METTL25: variants seen among roughly 807,000 people sequenced by gnomAD.
METTL25 encodes the protein methyltransferase like 25.
A neutral mutation model predicts 71.6 loss-of-function variants in METTL25; 64 were observed. The ratio of observed to expected loss-of-function variants is 0.89; its 90% CI spans 0.73 to 1.10. The LOEUF (loss-of-function observed/expected upper bound fraction) is 1.10, where lower values mean the gene tolerates loss of function less well. Ranked by LOEUF, METTL25 falls within the 50% of genes least tolerant of loss-of-function variation. The pLI is 0.00. For missense variants in METTL25, 807 were observed against 707.0 expected, an observed-to-expected ratio of 1.14 and a Z score of -1.60; for synonymous variants, 287 against 250.3, an observed-to-expected ratio of 1.15 and a Z score of -1.38.
intron 8 of METTL25, among the ~76,000 whole-genome samples, chr12:82,441,902 C>T (rs774422541): frequency 5.3e-5 from 8 of 151,600 alleles, no homozygotes; most frequent in Non-Finnish European, 8.8e-5. Context: ...GCACTTTCAT[C>T]CTTGCCAGGC....
At chr12:82,468,950 A>G (rs1007458519) in intron 9 of METTL25, 8 of 152,328 alleles carry the variant, frequency 5.3e-5, no homozygotes, top group African/African-American at 1.9e-4. Context: ...CAACTCAGCC[A>G]ATAGAAACCT....
intron 7 of METTL25, among the ~76,000 whole-genome samples, chr12:82,437,094 A>G (rs1290620684): frequency 1.3e-5 from 2 of 151,784 alleles, no homozygotes; most frequent in South Asian, 2.1e-4. Flanking sequence ...AAAATCTCAA[A>G]TGGAAAATAT....
chr12:82,382,875 A>C (rs1334706323), intron 1 of METTL25, among the ~76,000 whole-genome samples: 1 of 151,788 alleles, frequency 6.6e-6, no homozygotes, highest in Non-Finnish European at 1.5e-5. Flanking sequence ...TACCCAGCTA[A>C]TTTTTTAAAA....
intron 1 of METTL25, 94 bp downstream of exon 1, chr12:82,358,918 TGCGTGGCGGCGGAG>T (rs1354067490): frequency 6.9e-7 from 1 of 1,446,886 alleles, no homozygotes; most frequent in South Asian, 1.3e-5. Context: ...CAGAACCAGG[TGCGTGGCGGCGGAG>T]GCGGGGCGGC....
At chr12:82,421,436 T>C (rs903374678) in intron 5 of METTL25, among the ~76,000 whole-genome samples, 1 of 152,174 alleles carries the variant, frequency 6.6e-6, no homozygotes, top group Non-Finnish European at 1.5e-5. Flanking sequence ...AGTTATTAAA[T>C]TCTGAAACTT....
rs985330366 is a variant in METTL25, at chr12:82,432,594, A to T, written c.1374+1607A>T. Among the ~76,000 whole-genome samples, 10 of 151,686 alleles carry T rather than the reference A, an allele frequency of 6.6e-5. 1 individual carries two copies. Among genetic ancestry groups the T allele is most frequent in the African/African-American group, 1.5e-4 (6 of 41,372 alleles). On this transcript the variant is annotated intron_variant, in intron 6 of 11. Transcript: ENST00000248306. ...TTCTATTAAAATAAACATTCAGAGA[A>T]CCAAAACAAATACTTTGGAAAATAA...
At chr12:82,417,857 G>A (rs1013857091) in intron 5 of METTL25, among the ~76,000 whole-genome samples, 1 of 151,444 alleles carries the variant, frequency 6.6e-6, no homozygotes, top group Non-Finnish European at 1.5e-5. Context: ...ATGACGTTGA[G>A]CAGACAGTTG....
At chr12:82,438,603 T>A in intron 7 of METTL25, 115 bp from the exon 8 acceptor site, 1 of 472,036 alleles carries the variant, frequency 2.1e-6, no homozygotes, top group Non-Finnish European at 3.5e-6. Flanking sequence ...TAAGTCATCC[T>A]CTGTGTTTAG....
In METTL25 at chr12:82,461,012, G is replaced by T. The variant is rs111625638; in HGVS notation, c.1572+4192G>T. Among the ~76,000 whole-genome samples, 458 of 151,822 alleles carry T rather than the reference G, an allele frequency of 3.0e-3. 3 individuals are homozygous for T. Among genetic ancestry groups the T allele is most frequent in the African/African-American group, 0.011 (438 of 41,218 alleles). On this transcript the variant is annotated intron_variant, in intron 9 of 11. Coordinates refer to ENST00000248306, the MANE Select transcript of METTL25 (RefSeq NM_032230.3). ...CAAAAAATTAGCCGGGCATGGTGGCGGGCGCCTGTGGTCCCAGCTACTCAG... is the reference window on the plus strand; with the variant it reads ...CAAAAAATTAGCCGGGCATGGTGGCTGGCGCCTGTGGTCCCAGCTACTCAG...
At chr12:82,437,735 A>G (rs1890022801) in intron 7 of METTL25, among the ~76,000 whole-genome samples, 1 of 151,804 alleles carries the variant, frequency 6.6e-6, no homozygotes, top group Non-Finnish European at 1.5e-5. Context: ...TTACTGAATT[A>G]TATCTTTAAA....
In METTL25 at chr12:82,470,988, T is replaced by A. The variant is rs116594934; in HGVS notation, c.1573-5656T>A. On this transcript the variant is annotated intron_variant, in intron 9 of 11. Transcript: ENST00000248306. ...TTTAGAGGTGCTCCCATCATAATGG[T>A]CTAGGAGGACAAGATGCTTGCTTTC... Among the ~76,000 whole-genome samples the A allele has an allele frequency of 9.8e-3, 1,499 of 152,256 alleles. 26 individuals are homozygous for A. Among genetic ancestry groups the A allele is most frequent in the African/African-American group, 0.034 (1,406 of 41,548 alleles).
intron 8 of METTL25, among the ~76,000 whole-genome samples, chr12:82,450,158 C>T (rs994380800): frequency 6.6e-6 from 1 of 152,080 alleles, no homozygotes; most frequent in Non-Finnish European, 1.5e-5. Flanking sequence ...TTCTCATTTT[C>T]AAACCTCTAA....
chr12:82,474,189 C>A (rs1892747612), intron 9 of METTL25, among the ~76,000 whole-genome samples: 1 of 152,098 alleles, frequency 6.6e-6, no homozygotes, highest in Non-Finnish European at 1.5e-5. Flanking sequence ...GCAATGGGGG[C>A]TGGTAGTGTT....
In METTL25 at chr12:82,477,273, T is replaced by C; in HGVS notation, c.1648-8T>C. The C allele has an allele frequency of 6.8e-7, 1 of 1,480,402 alleles. No individual in the cohort carries two copies. The highest frequency in any genetic ancestry group is 9.1e-7 in the Non-Finnish European group (1 of 1,093,940). The allele number at this position is 1,480,402 out of a possible 1,614,324, so 91.7% of individuals were successfully genotyped here. Reference sequence around the variant, plus strand: ...CACCAACCTACCTATCTAATTTTTTTATTTTAGTTGAAAGTTGTACTGGCT... The same window carrying C: ...CACCAACCTACCTATCTAATTTTTTCATTTTAGTTGAAAGTTGTACTGGCT... On this transcript the variant is annotated splice_polypyrimidine_tract_variant and splice_region_variant and intron_variant, in intron 10 of 11. Transcript: ENST00000248306.
chr12:82,427,134 T>A (rs553337882), intron 5 of METTL25, among the ~76,000 whole-genome samples: 13 of 152,084 alleles, frequency 8.5e-5, no homozygotes, highest in African/African-American at 3.1e-4. Context: ...CTCTGAAAGT[T>A]TTTTTATTTT....
intron 8 of METTL25, among the ~76,000 whole-genome samples, chr12:82,443,321 C>A (rs190838961): frequency 1.2e-3 from 183 of 151,298 alleles, no homozygotes; most frequent in African/African-American, 4.4e-3. Flanking sequence ...GCAGAATACC[C>A]CTAAAGGAAC....
chr12:82,459,887 G>A (rs1891749991), intron 9 of METTL25: 1 of 152,206 alleles, frequency 6.6e-6, no homozygotes, highest in South Asian at 2.1e-4. Flanking sequence ...AGATCACAGT[G>A]ATACTAATCT....
chr12:82,358,836 G>A lies in METTL25; in HGVS notation c.259+12G>A, dbSNP rs1555198877. The A allele has an allele frequency of 2.5e-6, 4 of 1,601,480 alleles. No individual in the cohort carries two copies. The highest frequency in any genetic ancestry group is 1.1e-5 in the South Asian group (1 of 90,238). On this transcript the variant is annotated intron_variant, in intron 1 of 11. Transcript: ENST00000248306. ...AGAGTGGGAAGCAGGTGGGTGGTGG[G>A]GTAGGCGGGGCGGGAAGGGAGGCGG...
At chr12:82,446,617 T>TC (rs1890760874) in intron 8 of METTL25, among the ~76,000 whole-genome samples, 1 of 147,198 alleles carries the variant, frequency 6.8e-6, no homozygotes, top group Admixed American at 6.6e-5. Context: ...ATTTCTTTTT[T>TC]TTTTTTTTTT....
Sources: gnomAD v4.1 joint callset for allele counts (sites outside exome capture counted in the v4.1 genomes callset) on GRCh38, gnomAD v4.1.1 for gene constraint, MANE v1.5 for transcripts, NCBI Gene and HGNC (gene_info 2026-07-23, HGNC 2026-07-21) for gene names.